ADAMTSL5: variants seen among roughly 807,000 people sequenced by gnomAD.
ADAMTSL5 encodes the protein ADAMTS-like protein 5.
ADAMTSL5 carries 53 observed loss-of-function variants against 51.7 expected under a neutral mutation model. That is an observed-to-expected ratio of 1.03 (90% CI 0.82 to 1.29). ADAMTSL5 has a LOEUF of 1.29. Among genes scored for constraint, ADAMTSL5 ranks in the 50% most tolerant of loss-of-function variants. The pLI, the probability that ADAMTSL5 is intolerant of heterozygous loss-of-function variation, is 0.00. For missense variants in ADAMTSL5, 770 were observed against 676.2 expected (o/e 1.14, Z -1.54); for synonymous variants, 285 against 278.7 (o/e 1.02, Z -0.23).
rs937732856 is a variant in ADAMTSL5, at chr19:1,508,585, A to G, written c.362-15T>C. 4 of 1,519,242 alleles carry G rather than the reference A, an allele frequency of 2.6e-6. No individual in the cohort carries two copies. Among genetic ancestry groups the G allele is most frequent in the South Asian group, 1.2e-5 (1 of 81,840 alleles). 94.1% of individuals were successfully genotyped at this position (1,519,242 alleles called of 1,614,324 possible). A position where few individuals can be genotyped will look rare whatever the true frequency, so the allele number is the denominator to read the frequency against. On this transcript the variant is annotated splice_polypyrimidine_tract_variant and intron_variant, in intron 5 of 11. Coordinates refer to ENST00000330475, the MANE Select transcript of ADAMTSL5 (RefSeq NM_213604.3). Reference sequence around the variant, plus strand: ...CTGGTTGGGCGCTGAGGGCAGGAGGAGTCGGTGGGCCGGGGACCCCTGTTC... The same window carrying G: ...CTGGTTGGGCGCTGAGGGCAGGAGGGGTCGGTGGGCCGGGGACCCCTGTTC...
chr19:1,507,126 C>G (rs1023555751), intron 9 of ADAMTSL5, 116 bp downstream of exon 9: 9 of 1,375,680 alleles, frequency 6.5e-6, no homozygotes, highest in Non-Finnish European at 8.8e-6. Context: ...CCTCTCCCCT[C>G]TGACCCCAGA....
In ADAMTSL5 at chr19:1,507,655, G is replaced by T; in HGVS notation, c.602-12C>A. ...CCCAGCGAAGGCACCTGGGTGGGAGGGTAGGAGGGTGTTGGGGTGCCAGTG... is the reference window on the plus strand; with the variant it reads ...CCCAGCGAAGGCACCTGGGTGGGAGTGTAGGAGGGTGTTGGGGTGCCAGTG... On this transcript the variant is annotated splice_polypyrimidine_tract_variant and intron_variant, in intron 7 of 11. Transcript: ENST00000330475. 6.2e-7 allele frequency: 1 copy of T among 1,612,552 alleles called. No homozygotes were observed. The highest frequency in any genetic ancestry group is 8.5e-7 in the Non-Finnish European group (1 of 1,179,192).
rs368654852 is a variant in ADAMTSL5 at position 1,510,391 on chromosome 19, C to T, written c.229G>A (p.Glu77Lys). 19 of 1,612,980 alleles carry T rather than the reference C, an allele frequency of 1.2e-5. No homozygotes were observed. Among genetic ancestry groups the T allele is most frequent in the Middle Eastern group, 3.5e-4 (2 of 5,664 alleles). Residue 77 changes from glutamate (E) to lysine (K), a missense_variant, in exon 4 of 12, where the codon GAG (glutamate) becomes AAG (lysine). Glu to Lys is a moderately conservative substitution (Grantham distance 56, BLOSUM62 1). Transcript: ENST00000330475. ...GEEPCWGDSH[E>K]YRLCQLPDCP... The stretch of plus-strand genomic sequence containing the variant: ...ACTGGCAACTGGCAGAGGCGGTACT[C>T]ATGGGAGTCTCCCCAGCACGGTTCT...
chr19:1,510,345 T>C, intron 4 of ADAMTSL5, 23 bp downstream of exon 4: 1 of 1,613,680 alleles, frequency 6.2e-7, no homozygotes, highest in Non-Finnish European at 8.5e-7. Flanking sequence ...GGGAGAGTGG[T>C]CTGGGAGGTG....
intron 6 of ADAMTSL5, 78 bp from the exon 7 acceptor site, chr19:1,508,187 A>AT: frequency 6.9e-7 from 1 of 1,454,546 alleles, no homozygotes; most frequent in South Asian, 1.2e-5. Flanking sequence ...GCCTGGGAGC[A>AT]AGAGGACGAG....
Position 1,506,517 on chromosome 19 carries a change from C to A in ADAMTSL5, c.1114+73G>T, listed in dbSNP as rs1912931793. On this transcript the variant is annotated intron_variant, in intron 11 of 11. Coordinates refer to ENST00000330475, the MANE Select transcript of ADAMTSL5 (RefSeq NM_213604.3). This position sits in a 1 kb window ranked among gnomAD's most constrained non-coding sequence, Gnocchi z 5.6. ...CAGAAGAAGGGGTCAAGGGTAAAGT[C>A]AGATTAGGGTCAGAGGTCAGGAGGA... The A allele has an allele frequency of 2.6e-6, 4 of 1,542,696 alleles. No individual in the cohort carries two copies. Among genetic ancestry groups the A allele is most frequent in the Non-Finnish European group, 3.5e-6 (4 of 1,129,640 alleles).
In ADAMTSL5 at chr19:1,508,270, G is replaced by A. The variant is rs1913067284; in HGVS notation, c.490-161C>T. ...CGGGAGGAGGATGGGCTTGGCGCCC[G>A]GGAGTGGGTGCCTAAGGGGGGCTGG... On this transcript the variant is annotated intron_variant, in intron 6 of 11. Coordinates refer to ENST00000330475, the MANE Select transcript of ADAMTSL5 (RefSeq NM_213604.3). The A allele has an allele frequency of 6.8e-6, 8 of 1,180,664 alleles. 1 individual carries two copies. The East Asian group carries it at 1.9e-4, about 28-fold the overall frequency. 73.1% of individuals were successfully genotyped at this position (1,180,664 alleles called of 1,614,324 possible).
At position 1,508,509 on chromosome 19, in the gene ADAMTSL5, G is replaced by A; in HGVS notation, c.423C>T (p.Gly141=). ...TGCAGGCGGTGCCGTCCAGGACGCGGCCGAAGCTGTGGTAGAAGGCGTGCC... is the reference window on the plus strand; with the variant it reads ...TGCAGGCGGTGCCGTCCAGGACGCGACCGAAGCTGTGGTAGAAGGCGTGCC... ...AEGHAFYHSF[G]RVLDGTACSP... is the part of the protein sequence containing the mutation. The change falls in exon 6 of 12, where the codon GGC becomes GGT. Residue 141 remains glycine (G), a synonymous_variant. Coordinates refer to ENST00000330475, the MANE Select transcript of ADAMTSL5 (RefSeq NM_213604.3). 6.3e-7 allele frequency: 1 copy of A among 1,586,746 alleles called. No homozygotes were observed. Among genetic ancestry groups the A allele is most frequent in the Non-Finnish European group, 8.5e-7 (1 of 1,173,520 alleles).
At chr19:1,508,661 C>T (rs772995736) in intron 5 of ADAMTSL5, 91 bp from the exon 6 acceptor site, 292 of 1,419,228 alleles carry the variant, frequency 2.1e-4, no homozygotes, top group Non-Finnish European at 2.6e-4. Flanking sequence ...TCACTTTGGG[C>T]AGATGAAGCC....
chr19:1,511,699 G>A (rs1350969302), intron 1 of ADAMTSL5: 2 of 689,572 alleles, frequency 2.9e-6, no homozygotes, highest in Non-Finnish European at 4.5e-6. Context: ...TGGGGGCCAA[G>A]TGGACTCAGT....
chr19:1,510,496 GC>G (rs1325683787), intron 3 of ADAMTSL5, 68 bp from the exon 4 acceptor site: 2 of 1,523,802 alleles, frequency 1.3e-6, no homozygotes, highest in African/African-American at 1.4e-5. Flanking sequence ...TCCACCCTCC[GC>G]CCCCGCCAAC....
chr19:1,506,180 G>A lies in ADAMTSL5; in HGVS notation c.1251C>T (p.Cys417=), dbSNP rs1416783929. 6.2e-7 allele frequency: 1 copy of A among 1,609,336 alleles called. No individual in the cohort carries two copies. Among genetic ancestry groups the A allele is most frequent in the Admixed American group, 1.7e-5 (1 of 59,618 alleles). The change falls in exon 12 of 12, where the codon TGC becomes TGT. Residue 417 remains cysteine (C), a synonymous_variant. Coordinates refer to ENST00000330475, the MANE Select transcript of ADAMTSL5 (RefSeq NM_213604.3). The surrounding 1 kb of genome is among the most constrained non-coding windows in gnomAD (Gnocchi z 5.6). ...AGTCCCGGTGGGGTGCCAGCATCGGGCAGGGGCAGTGGCCTGGCGCCCACA... is the reference window on the plus strand; with the variant it reads ...AGTCCCGGTGGGGTGCCAGCATCGGACAGGGGCAGTGGCCTGGCGCCCACA... ...EYVWAPGHCP[C]PMLAPHRDYL... is the part of the protein sequence containing the mutation.
intron 6 of ADAMTSL5, 27 bp from the exon 7 acceptor site, chr19:1,508,136 T>A: frequency 6.3e-7 from 1 of 1,586,300 alleles, no homozygotes; most frequent in South Asian, 1.1e-5. Flanking sequence ...AGGCGCGGCG[T>A]CACTGACGCT....
chr19:1,509,170 G>C (rs538615769), intron 5 of ADAMTSL5, among the ~76,000 whole-genome samples: 1 of 141,710 alleles, frequency 7.1e-6, no homozygotes, highest in Admixed American at 7.8e-5. Context: ...CAGGAGAATC[G>C]CTTGAACCAG....
chr19:1,507,445 G>C, intron 8 of ADAMTSL5, 40 bp from the exon 9 acceptor site: 2 of 1,598,652 alleles, frequency 1.3e-6, no homozygotes, highest in African/African-American at 1.3e-5. Flanking sequence ...CTGTCGTCTC[G>C]TCTCCCAGAC....
At chr19:1,510,510 C>T in intron 3 of ADAMTSL5, 82 bp from the exon 4 acceptor site, 1 of 1,512,746 alleles carries the variant, frequency 6.6e-7, no homozygotes. Flanking sequence ...CCGCCAACCC[C>T]ACCCGCATTC....
chr19:1,508,763 C>T, intron 5 of ADAMTSL5, 193 bp from the exon 6 acceptor site: 3 of 579,086 alleles, frequency 5.2e-6, no homozygotes. Flanking sequence ...GACTCGCAGG[C>T]AAGTATCCTG....
chr19:1,507,080 T>G, intron 9 of ADAMTSL5, 152 bp from the exon 10 acceptor site: 1 of 1,133,364 alleles, frequency 8.8e-7, no homozygotes. Flanking sequence ...CCTCTGACCC[T>G]GTCCCCACCC....
chr19:1,508,323 G>A, intron 6 of ADAMTSL5, 120 bp downstream of exon 6: 2 of 1,318,838 alleles, frequency 1.5e-6, no homozygotes, highest in Admixed American at 2.8e-5. Flanking sequence ...GGAGGGGGAA[G>A]GCGGTGGAGC....
Sources: allele counts gnomAD v4.1 joint callset (sites outside exome capture counted in the v4.1 genomes callset), GRCh38; gene constraint gnomAD v4.1.1; non-coding constraint Gnocchi (gnomAD v3.1); transcripts MANE v1.5; gene names NCBI Gene and HGNC (gene_info 2026-07-23, HGNC 2026-07-21).